Variants in C10orf71 observed in about 807,000 individuals in gnomAD.
The protein encoded by C10orf71 is cardiac-enriched FHL2-interacting protein.
For missense variants in C10orf71, 1,869 were observed against 1,804.5 expected (o/e 1.04, Z -0.65); for synonymous variants, 758 against 726.3 (o/e 1.04, Z -0.70).
chr10:49,326,858 C>A lies in C10orf71; in HGVS notation c.*5C>A. ...GCCACAGAAGGCATTTCTTGAGTTA[C>A]TGCAGGCTGTCCCCCACCCCCAGAT... On this transcript the variant is annotated 3_prime_UTR_variant, in exon 3 of 3. Transcript: ENST00000374144. The A allele has an allele frequency of 2.0e-6, 3 of 1,532,522 alleles. No homozygotes were observed. The highest frequency in any genetic ancestry group is 2.6e-6 in the Non-Finnish European group (3 of 1,139,932). 94.9% of individuals were successfully genotyped at this position (1,532,522 alleles called of 1,614,324 possible).
In C10orf71 at chr10:49,326,333, C is replaced by G; in HGVS notation, c.3788C>G (p.Ser1263Cys). 2 of 1,549,886 alleles carry G rather than the reference C, an allele frequency of 1.3e-6. No individual in the cohort carries two copies. The highest frequency in any genetic ancestry group is 1.7e-6 in the Non-Finnish European group (2 of 1,146,580). ...GGGAGGCGGCCCGGGGGCCCCCAGT[C>G]CCTCACACCCCTGCCCGCGTACCCC... ...PVGRRPGGPQ[S>C]LTPLPAYPAT... is the part of the protein sequence containing the mutation. Residue 1263 changes from serine to cysteine, a missense_variant, in exon 3 of 3, where the codon TCC becomes TGC. By Grantham distance (112) the Ser-to-Cys change is moderately radical (BLOSUM62 -1). Coordinates refer to ENST00000374144, the MANE Select transcript of C10orf71 (RefSeq NM_001135196.2).
At chr10:49,316,624 G>A (rs1320367418) in intron 2 of C10orf71, among the ~76,000 whole-genome samples, 1 of 152,138 alleles carries the variant, frequency 6.6e-6, no homozygotes, top group Non-Finnish European at 1.5e-5. Flanking sequence ...AAAGAAAAAT[G>A]GAGGTCTTGT....
intron 1 of C10orf71, among the ~76,000 whole-genome samples, chr10:49,309,738 C>T (rs1167414776): frequency 1.3e-5 from 2 of 152,106 alleles, no homozygotes; most frequent in Non-Finnish European, 2.9e-5. Flanking sequence ...GAGCAGGGCT[C>T]CAGGCTGTGC....
chr10:49,297,521 G>A (rs1848657907), upstream of C10orf71, among the ~76,000 whole-genome samples: 3 of 152,188 alleles, frequency 2.0e-5, no homozygotes. Context: ...AGATGGTTGA[G>A]GTGTAGCAAA....
At chr10:49,305,152 A>G (rs1051219479) in intron 1 of C10orf71, among the ~76,000 whole-genome samples, 1 of 152,226 alleles carries the variant, frequency 6.6e-6, no homozygotes, top group Non-Finnish European at 1.5e-5. Context: ...TCTTATGGCC[A>G]TAGGTCTCAA....
In C10orf71 at chr10:49,326,896, G is replaced by C. The variant is rs1156922128; in HGVS notation, c.*43G>C. 7.3e-7 allele frequency: 1 copy of C among 1,372,520 alleles called. No homozygotes were observed. Among genetic ancestry groups the C allele is most frequent in the Non-Finnish European group, 9.5e-7 (1 of 1,049,452 alleles). 85.0% of individuals were successfully genotyped at this position (1,372,520 alleles called of 1,614,324 possible). A position where few individuals can be genotyped will look rare whatever the true frequency, so the allele number is the denominator to read the frequency against. ...CCCACCCCCAGATGAACCCAGAGGA[G>C]CTTACTTCCCCCTCCCCCAAAACAA... On this transcript the variant is annotated 3_prime_UTR_variant, in exon 3 of 3. Transcript: ENST00000374144.
chr10:49,309,918 C>A (rs1040956189), intron 1 of C10orf71, among the ~76,000 whole-genome samples: 2 of 152,226 alleles, frequency 1.3e-5, no homozygotes, highest in African/African-American at 4.8e-5. Flanking sequence ...CACTGTCTTC[C>A]TGTTTCCCCT....
At position 49,324,913 on chromosome 10, in the gene C10orf71, T is replaced by A; in HGVS notation, c.2368T>A (p.Cys790Ser). Residue 790 changes from cysteine (C) to serine (S), a missense_variant, in exon 3 of 3, where the codon TGC (cysteine) becomes AGC (serine). Cys to Ser is a moderately radical substitution (Grantham distance 112, BLOSUM62 -1). Transcript: ENST00000374144. ...QYCALSNGHACLENRSQGEAL... is the reference protein window; with the variant it reads ...QYCALSNGHASLENRSQGEAL... ...CTGTGCCTTAAGCAATGGGCACGCA[T>A]GCCTGGAAAACCGCAGCCAGGGGGA... is the stretch of plus-strand genomic sequence containing the variant. 2 of 1,550,750 alleles carry A rather than the reference T, an allele frequency of 1.3e-6. No individual in the cohort carries two copies. The highest frequency in any genetic ancestry group is 1.2e-5 in the South Asian group (1 of 83,996).
chr10:49,315,370 T>C (rs1212395343), intron 1 of C10orf71, among the ~76,000 whole-genome samples: 6 of 152,200 alleles, frequency 3.9e-5, no homozygotes, highest in Admixed American at 3.9e-4. Context: ...CTGAATATCC[T>C]CCTGGGCAGC....
intron 1 of C10orf71, among the ~76,000 whole-genome samples, chr10:49,301,893 G>A (rs866313522): frequency 6.6e-5 from 10 of 152,130 alleles, no homozygotes; most frequent in Admixed American, 2.0e-4. Context: ...CCTTCCTTGC[G>A]TCCTCCATTC....
At chr10:49,311,257 G>A (rs1848908955) in intron 1 of C10orf71, among the ~76,000 whole-genome samples, 1 of 152,164 alleles carries the variant, frequency 6.6e-6, no homozygotes, top group Admixed American at 6.5e-5. Flanking sequence ...CCTGCAATAG[G>A]GCTTGGCATG....
In C10orf71 at chr10:49,325,404, C is replaced by T. The variant is rs373216967; in HGVS notation, c.2859C>T (p.Ala953=). The T allele has an allele frequency of 3.5e-5, 54 of 1,550,360 alleles. No individual in the cohort carries two copies. The highest frequency in any genetic ancestry group is 3.3e-4 in the Middle Eastern group (2 of 6,008). ...CCAGGATGGAGGCCTCTCAGCCAGC[C>T]CCAAAGGGGAATTTCCCATCTATGC... ...SMARMEASQP[A]PKGNFPSMPL... is the part of the protein sequence containing the mutation. The change falls in exon 3 of 3, where the codon GCC becomes GCT. Residue 953 remains alanine, a synonymous_variant. Transcript: ENST00000374144.
Position 49,323,653 on chromosome 10 carries a change from C to T in C10orf71, c.1108C>T (p.Pro370Ser), listed in dbSNP as rs1849147234. 2 of 1,608,956 alleles carry T rather than the reference C, an allele frequency of 1.2e-6. No individual in the cohort carries two copies. Among genetic ancestry groups the T allele is most frequent in the Non-Finnish European group, 1.7e-6 (2 of 1,178,550 alleles). The change falls in exon 3 of 3, where the codon CCT becomes TCT. Residue 370 changes from proline to serine, a missense_variant. Transcript: ENST00000374144. ...GGAAGGAAAAGCTCCCAGCTCACAA[C>T]CTGATTCTCAAGAGAAGCCAGCCCA... is the stretch of plus-strand genomic sequence containing the variant. ...AVEGKAPSSQ[P>S]DSQEKPAQPP...
intron 1 of C10orf71, among the ~76,000 whole-genome samples, chr10:49,299,726 A>G (rs1437380050): frequency 6.6e-6 from 1 of 152,198 alleles, no homozygotes; most frequent in Admixed American, 6.5e-5. Context: ...CTGCTCCCAC[A>G]TGGCTGAGTG....
At chr10:49,313,041 A>G (rs1244955433) in intron 1 of C10orf71, among the ~76,000 whole-genome samples, 2 of 152,196 alleles carry the variant, frequency 1.3e-5, no homozygotes, top group Non-Finnish European at 2.9e-5. Flanking sequence ...AGAAACAGAC[A>G]TGGACCCCGC....
intron 2 of C10orf71, among the ~76,000 whole-genome samples, chr10:49,319,729 T>TAC (rs1172217483): frequency 3.2e-4 from 39 of 120,218 alleles, no homozygotes; most frequent in South Asian, 1.4e-3. Context: ...TATATATATA[T>TAC]ATATACACAT....
chr10:49,309,032 G>A (rs1485178633), intron 1 of C10orf71, among the ~76,000 whole-genome samples: 1 of 152,238 alleles, frequency 6.6e-6, no homozygotes, highest in Non-Finnish European at 1.5e-5. Flanking sequence ...GCTGTAAGAT[G>A]ATGAGGGGAG....
In C10orf71 at chr10:49,325,074, C is replaced by T. The variant is rs1849193810; in HGVS notation, c.2529C>T (p.Pro843=). ...TTTCACAGGCCAAAGACCTTACTCC[C>T]TCACCATCTTCTGCTTCAAACAGGC... The part of the protein sequence containing the change: ...TTFSQAKDLT[P]SPSSASNRHM... Residue 843 remains proline (P), a synonymous_variant, in exon 3 of 3, where the codon CCC becomes CCT. Transcript: ENST00000374144. The T allele has an allele frequency of 6.4e-7, 1 of 1,551,880 alleles. No homozygotes were observed. Among genetic ancestry groups the T allele is most frequent in the South Asian group, 1.2e-5 (1 of 84,062 alleles).
At position 49,325,235 on chromosome 10, in the gene C10orf71, C is replaced by A. The variant is rs759223444; in HGVS notation, c.2690C>A (p.Pro897Gln). Residue 897 changes from proline to glutamine, a missense_variant, in exon 3 of 3, where the codon CCA becomes CAA. Coordinates refer to ENST00000374144, the MANE Select transcript of C10orf71 (RefSeq NM_001135196.2). ...SGHKEEELPR[P>Q]EWGEDPGFCA... ...CACAAAGAGGAGGAATTGCCAAGGC[C>A]AGAATGGGGTGAGGATCCTGGGTTT... 11 of 1,551,776 alleles carry A rather than the reference C, an allele frequency of 7.1e-6. No homozygotes were observed.
Sources: allele counts gnomAD v4.1 joint callset (sites outside exome capture counted in the v4.1 genomes callset), GRCh38; gene constraint gnomAD v4.1.1; transcripts MANE v1.5; gene names NCBI Gene and HGNC (gene_info 2026-07-23, HGNC 2026-07-21).